Variants in DOCK6 observed in about 807,000 individuals in gnomAD.
The protein encoded by DOCK6 is dedicator of cytokinesis 6.
In DOCK6, 167 loss-of-function variants were observed where a neutral mutation model predicts 230.3. The ratio of observed to expected loss-of-function variants is 0.73; its 90% confidence interval spans 0.64 to 0.82. DOCK6 has a LOEUF of 0.82. DOCK6 is among the 40% of genes least tolerant of loss of function. The pLI is 0.00. For synonymous variants in DOCK6, 1,148 were observed against 1,185.0 expected (o/e 0.97, Z 0.64); for missense variants, 2,598 against 2,825.8 (o/e 0.92, Z 1.83).
rs778228300 is a variant in DOCK6 at position 11,239,787 on chromosome 19, C to T, written c.1644-1483G>A. The T allele has an allele frequency of 8.8e-5, 142 of 1,609,566 alleles. 1 individual carries two copies. In the South Asian group the frequency reaches 1.3e-3, roughly 15 times the overall value. On this transcript the variant is annotated intron_variant, in intron 14 of 47. Coordinates refer to ENST00000294618, the MANE Select transcript of DOCK6 (RefSeq NM_020812.4). ...CCCTGCAGCTGGGCCAGGCCCTCAA[C>T]GGTGTGTACAGGACCACGGAGGGAC...
Position 11,202,043 on chromosome 19 carries a change from T to TA in DOCK6, c.5533dup (p.Tyr1845LeufsTer29). 3.1e-6 allele frequency: 5 copies of TA among 1,613,972 alleles called. No individual in the cohort carries two copies. The highest frequency in any genetic ancestry group is 4.2e-6 in the Non-Finnish European group (5 of 1,179,892). ...GCAGAACAGGAATGTGCGAAGCCCA[T>TA]AGTTGCGGTCAAAGTAGGTCACCCG... On this transcript the variant is annotated frameshift_variant, in exon 44 of 48. Coordinates refer to ENST00000294618, the MANE Select transcript of DOCK6 (RefSeq NM_020812.4). LOFTEE classifies it high-confidence loss of function. The surrounding 1 kb of genome is among the most constrained non-coding windows in gnomAD (Gnocchi z 5.3).
chr19:11,235,191 C>G (rs1240223537), intron 21 of DOCK6, among the ~76,000 whole-genome samples: 1 of 152,206 alleles, frequency 6.6e-6, no homozygotes, highest in Non-Finnish European at 1.5e-5. Context: ...CCTTGGCTCA[C>G]TGCAACCTCT....
chr19:11,228,814 G>C (rs978258081), intron 23 of DOCK6, 126 bp downstream of exon 23: 103 of 821,592 alleles, frequency 1.3e-4, no homozygotes, highest in Non-Finnish European at 1.7e-4. Flanking sequence ...CGCCCGCCTC[G>C]GCCTCCCAAA....
chr19:11,233,184 A>G lies in DOCK6; in HGVS notation c.2718+19T>C, dbSNP rs2079794871. ...CACAACCACTGAGGCTGGAGATTCC[A>G]GGGCCCCCGTTGCCCTACCTTGCTG... On this transcript the variant is annotated intron_variant, in intron 22 of 47. Coordinates refer to ENST00000294618, the MANE Select transcript of DOCK6 (RefSeq NM_020812.4). The G allele has an allele frequency of 1.2e-6, 2 of 1,609,804 alleles. No individual in the cohort carries two copies. The highest frequency in any genetic ancestry group is 2.7e-5 in the African/African-American group (2 of 74,850).
At chr19:11,253,812 T>G in intron 1 of DOCK6, 86 bp from the exon 2 acceptor site, 2 of 1,005,024 alleles carry the variant, frequency 2.0e-6, no homozygotes, top group South Asian at 3.3e-5. Context: ...AAATCCAGAT[T>G]GTGGAACGAA....
chr19:11,261,115 T>C (rs2080280515), intron 1 of DOCK6, among the ~76,000 whole-genome samples: 2 of 151,518 alleles, frequency 1.3e-5, no homozygotes, highest in Non-Finnish European at 2.9e-5. Flanking sequence ...TCACCTGGGG[T>C]CCAAAGTCAA....
rs528600367 is a variant in DOCK6 at position 11,223,080 on chromosome 19, G to A, written c.2982C>T (p.Asn994=). The A allele has an allele frequency of 5.3e-5, 86 of 1,613,596 alleles. No individual in the cohort carries two copies. Among genetic ancestry groups the A allele is most frequent in the South Asian group, 2.4e-4 (22 of 91,070 alleles). ...CACTGAGGAAGAAAGCCAGGCTGGC[G>A]TTGAGGTGCTCGGCCAGCTCCACAT... is the stretch of plus-strand genomic sequence containing the variant. ...HKDVELAEHL[N]ASLAFFLSDL... The change falls in exon 25 of 48, where the codon AAC becomes AAT. Residue 994 remains asparagine (N), a synonymous_variant. Transcript: ENST00000294618.
At position 11,236,609 on chromosome 19, in the gene DOCK6, G is replaced by T; in HGVS notation, c.2161-32C>A. 6.5e-7 allele frequency: 1 copy of T among 1,541,006 alleles called. No homozygotes were observed. Among genetic ancestry groups the T allele is most frequent in the Non-Finnish European group, 8.8e-7 (1 of 1,136,906 alleles). ...AGGGATGTGGAGTGAGCAGGGTGGG[G>T]CCTCAGGGAATGAAGACCACCCCTG... On this transcript the variant is annotated intron_variant, in intron 19 of 47. Coordinates refer to ENST00000294618, the MANE Select transcript of DOCK6 (RefSeq NM_020812.4). The surrounding 1 kb of genome is among the most constrained non-coding windows in gnomAD (Gnocchi z 5.2).
chr19:11,235,712 G>A lies in DOCK6; in HGVS notation c.2440C>T (p.Leu814Phe), dbSNP rs2079835342. ...AFEAMAHVVS[L>F]VHRSLEAAQD... ...GCTGCCTCCAGGCTCCGGTGAACAA[G>A]GCTGACTACATGGGCCATTGCTTCA... The change falls in exon 21 of 48, where the codon CTT (leucine) becomes TTT (phenylalanine). Residue 814 changes from leucine to phenylalanine, a missense_variant. By Grantham distance (22) the Leu-to-Phe change is conservative. Coordinates refer to ENST00000294618, the MANE Select transcript of DOCK6 (RefSeq NM_020812.4). The A allele has an allele frequency of 8.7e-6, 14 of 1,600,374 alleles. No individual in the cohort carries two copies. Among genetic ancestry groups the A allele is most frequent in the African/African-American group, 1.3e-5 (1 of 74,802 alleles).
intron 5 of DOCK6, 148 bp from the exon 6 acceptor site, chr19:11,251,234 T>A: frequency 1.3e-6 from 1 of 753,886 alleles, no homozygotes. Flanking sequence ...CCTGGGGGTT[T>A]TGCCTACCCT....
In DOCK6 at chr19:11,222,024, T is replaced by A; in HGVS notation, c.3381-4A>T. On this transcript the variant is annotated splice_polypyrimidine_tract_variant and splice_region_variant and intron_variant, in intron 27 of 47. Coordinates refer to ENST00000294618, the MANE Select transcript of DOCK6 (RefSeq NM_020812.4). The surrounding 1 kb of genome is among the most constrained non-coding windows in gnomAD (Gnocchi z 4.0). ...CTTCTTGTGCAACAGGAATGCCCTATGGGGTAATGAGGTGCTCAGGACAGG... is the reference window on the plus strand; with the variant it reads ...CTTCTTGTGCAACAGGAATGCCCTAAGGGGTAATGAGGTGCTCAGGACAGG... The A allele has an allele frequency of 1.2e-6, 2 of 1,609,716 alleles. No homozygotes were observed. The highest frequency in any genetic ancestry group is 1.7e-6 in the Non-Finnish European group (2 of 1,176,510).
At chr19:11,241,864 C>T (rs1363064415) in intron 14 of DOCK6, 181 bp downstream of exon 14, 1 of 1,293,498 alleles carries the variant, frequency 7.7e-7, no homozygotes, top group African/African-American at 1.5e-5. Flanking sequence ...GGATGTAGCC[C>T]CATTGGGGAG....
intron 34 of DOCK6, 149 bp from the exon 35 acceptor site, chr19:11,213,477 T>A: frequency 1.7e-6 from 2 of 1,158,874 alleles, no homozygotes; most frequent in Non-Finnish European, 2.4e-6. Context: ...GACCTGGGTT[T>A]AAGCCCCTTG....
At chr19:11,261,540 G>C (rs567261899) in intron 1 of DOCK6, among the ~76,000 whole-genome samples, 2 of 152,156 alleles carry the variant, frequency 1.3e-5, no homozygotes, top group Non-Finnish European at 2.9e-5. Flanking sequence ...CCCGGGGAGA[G>C]GATACCTGAG....
At position 11,243,317 on chromosome 19, in the gene DOCK6, C is replaced by A. The variant is rs1023542321; in HGVS notation, c.1327G>T (p.Ala443Ser). Residue 443 changes from alanine (A) to serine (S), a missense_variant, in exon 12 of 48, where the codon GCC (alanine) becomes TCC (serine). Ala to Ser is a moderately conservative substitution (Grantham distance 99). Coordinates refer to ENST00000294618, the MANE Select transcript of DOCK6 (RefSeq NM_020812.4). The surrounding 1 kb of genome is among the most constrained non-coding windows in gnomAD (Gnocchi z 6.3). The stretch of plus-strand genomic sequence containing the variant: ...GGACGGAAGCCAGAGAAGCTGCAGG[C>A]GTCGTCCCCACTACTCGCCCGGTCC... The part of the protein sequence containing the change: ...PQDRASSGDD[A>S]CSFSGFRPAT... The A allele has an allele frequency of 1.9e-6, 3 of 1,600,710 alleles. No homozygotes were observed. Among genetic ancestry groups the A allele is most frequent in the African/African-American group, 2.7e-5 (2 of 74,700 alleles).
intron 30 of DOCK6, 184 bp downstream of exon 30, chr19:11,216,730 A>T: frequency 1.5e-6 from 1 of 654,828 alleles, no homozygotes; most frequent in Non-Finnish European, 2.6e-6. Context: ...AATTCTATTC[A>T]CAAAGGCACT....
At chr19:11,234,757 G>A (rs1434355746) in intron 21 of DOCK6, among the ~76,000 whole-genome samples, 1 of 152,112 alleles carries the variant, frequency 6.6e-6, no homozygotes. Context: ...CTACTGAAGA[G>A]GCTTGCTGAC....
chr19:11,239,644 G>T (rs1307867655), intron 14 of DOCK6: 11 of 1,613,710 alleles, frequency 6.8e-6, no homozygotes, highest in Non-Finnish European at 9.3e-6. Context: ...AGTCATGCCA[G>T]TGCCTGCTCT....
rs763309124 is a variant in DOCK6 at position 11,208,935 on chromosome 19, C to T, written c.4920G>A (p.Leu1640=). ...CCTGGAAGGAAACGCAGCCCACGGG[C>T]AGGTGGCGGTGGTCCTCGAGCAGGG... The part of the protein sequence containing the change: ...YLALLEDHRH[L]PVGCVSFQNI... Residue 1640 remains leucine (L), a synonymous_variant, in exon 38 of 48, where the codon CTG becomes CTA. Transcript: ENST00000294618. 1.9e-6 allele frequency: 3 copies of T among 1,597,224 alleles called. No homozygotes were observed. The highest frequency in any genetic ancestry group is 2.6e-6 in the Non-Finnish European group (3 of 1,166,926).
Sources: gnomAD v4.1 joint callset for allele counts (sites outside exome capture counted in the v4.1 genomes callset) on GRCh38, gnomAD v4.1.1 for gene constraint, Gnocchi (gnomAD v3.1) non-coding constraint, MANE v1.5 for transcripts, NCBI Gene and HGNC (gene_info 2026-07-23, HGNC 2026-07-21) for gene names.